Variants in EXPH5 observed in about 807,000 individuals in gnomAD.
The protein encoded by EXPH5 is exophilin 5.
A neutral mutation model predicts 41.1 loss-of-function variants in EXPH5; 42 were observed. That is an observed-to-expected ratio of 1.02 (90% CI 0.80 to 1.32). The LOEUF (loss-of-function observed/expected upper bound fraction) is 1.32, where lower values mean the gene tolerates loss of function less well. Ranked by LOEUF, EXPH5 falls within the 40% of genes most tolerant of loss-of-function variation. The pLI, the probability that EXPH5 is intolerant of heterozygous loss-of-function variation, is 0.00. For missense variants in EXPH5, 2,298 were observed against 2,314.5 expected, an observed-to-expected ratio of 0.99 and a Z score of 0.15; for synonymous variants, 798 against 833.5, an observed-to-expected ratio of 0.96 and a Z score of 0.73.
At chr11:108,590,093 T>C (rs780298916) in intron 1 of EXPH5, among the ~76,000 whole-genome samples, 2 of 152,202 alleles carry the variant, frequency 1.3e-5, no homozygotes, top group African/African-American at 2.4e-5. Flanking sequence ...AATTGGACAA[T>C]TGGGTCAAGC....
chr11:108,513,374 G>T lies in EXPH5; in HGVS notation c.2133C>A (p.Asp711Glu), dbSNP rs2093697707. 7 of 1,614,086 alleles carry T rather than the reference G, an allele frequency of 4.3e-6. No individual in the cohort carries two copies. Among genetic ancestry groups the T allele is most frequent in the Non-Finnish European group, 5.9e-6 (7 of 1,180,008 alleles). Reference protein sequence around the residue: ...KDLNESISEEDKQLSKMDQTN... With the variant: ...KDLNESISEEEKQLSKMDQTN... The stretch of plus-strand genomic sequence containing the variant: ...TCTGGTCCATCTTGCTTAGCTGTTT[G>T]TCTTCTTCTGAAATAGATTCATTTA... Residue 711 changes from aspartate (D) to glutamate (E), a missense_variant, in exon 6 of 6, where the codon GAC (aspartate) becomes GAA (glutamate). Coordinates refer to ENST00000265843, the MANE Select transcript of EXPH5 (RefSeq NM_015065.3).
chr11:108,537,614 C>T (rs772525655), intron 3 of EXPH5, among the ~76,000 whole-genome samples: 1 of 152,094 alleles, frequency 6.6e-6, no homozygotes, highest in African/African-American at 2.4e-5. Flanking sequence ...GGTCTATAAC[C>T]GAAAAACATG....
chr11:108,556,424 A>G (rs527585516), intron 1 of EXPH5, among the ~76,000 whole-genome samples: 1 of 152,278 alleles, frequency 6.6e-6, no homozygotes, highest in East Asian at 1.9e-4. Context: ...GGAGAAGGTC[A>G]GTACCAGACA....
At chr11:108,547,496 T>C (rs1455169499) in intron 1 of EXPH5, among the ~76,000 whole-genome samples, 1 of 152,296 alleles carries the variant, frequency 6.6e-6, no homozygotes, top group African/African-American at 2.4e-5. Context: ...ATTACAGGCA[T>C]GAACCACGGA....
intron 3 of EXPH5, among the ~76,000 whole-genome samples, chr11:108,534,884 C>A (rs1167375432): frequency 3.3e-5 from 5 of 152,218 alleles, no homozygotes; most frequent in Non-Finnish European, 7.3e-5. Context: ...ATGCAGGTGG[C>A]ACATCCTAAA....
intron 1 of EXPH5, among the ~76,000 whole-genome samples, chr11:108,592,968 G>A (rs1374042678): frequency 6.6e-6 from 1 of 152,266 alleles, no homozygotes; most frequent in African/African-American, 2.4e-5. Context: ...TGCGTTAGGC[G>A]AGGGTGGAAG....
At chr11:108,547,124 C>T (rs1355065671) in intron 1 of EXPH5, among the ~76,000 whole-genome samples, 1 of 151,970 alleles carries the variant, frequency 6.6e-6, no homozygotes, top group Non-Finnish European at 1.5e-5. Flanking sequence ...TTTTACAGTG[C>T]CTCTGCCAGA....
At chr11:108,579,792 G>A (rs527279576) in intron 1 of EXPH5, among the ~76,000 whole-genome samples, 2 of 152,262 alleles carry the variant, frequency 1.3e-5, no homozygotes, top group Middle Eastern at 3.4e-3. Context: ...ACCCAGAAAT[G>A]AGCATTGGTG....
Position 108,512,936 on chromosome 11 carries a change from T to G in EXPH5, c.2571A>C (p.Gln857His). ...NHWSSALTDT[Q>H]NAQYSKCKLT... ...ACTTGCATTTTGAGTATTGTGCATT[T>G]TGAGTATCAGTCAGTGCAGAGCTCC... is the stretch of plus-strand genomic sequence containing the variant. Residue 857 changes from glutamine to histidine, a missense_variant, in exon 6 of 6, where the codon CAA becomes CAC. Coordinates refer to ENST00000265843, the MANE Select transcript of EXPH5 (RefSeq NM_015065.3). 1 of 1,613,254 alleles carries G rather than the reference T, an allele frequency of 6.2e-7. No individual in the cohort carries two copies. The highest frequency in any genetic ancestry group is 2.2e-5 in the East Asian group (1 of 44,874).
intron 1 of EXPH5, among the ~76,000 whole-genome samples, chr11:108,564,852 G>C (rs2094027838): frequency 6.9e-6 from 1 of 145,106 alleles, no homozygotes. Flanking sequence ...GTATTTCTTT[G>C]ATTACTAGAG....
At chr11:108,521,478 A>G (rs929666625) in intron 4 of EXPH5, among the ~76,000 whole-genome samples, 22 of 152,214 alleles carry the variant, frequency 1.4e-4, no homozygotes, top group Non-Finnish European at 2.8e-4. Context: ...GAGTGCTCCC[A>G]TGATAACTTA....
chr11:108,582,423 G>A (rs2094101128), intron 1 of EXPH5, among the ~76,000 whole-genome samples: 1 of 151,358 alleles, frequency 6.6e-6, no homozygotes, highest in Non-Finnish European at 1.5e-5. Context: ...CTGAGATCAC[G>A]CCACTGCACT....
intron 1 of EXPH5, among the ~76,000 whole-genome samples, chr11:108,574,780 G>T (rs1008093006): frequency 6.6e-6 from 1 of 152,164 alleles, no homozygotes; most frequent in Non-Finnish European, 1.5e-5. Context: ...CTGCTCGAAG[G>T]CATCACAGAA....
At chr11:108,571,293 G>T (rs1416074138) in intron 1 of EXPH5, among the ~76,000 whole-genome samples, 1 of 152,198 alleles carries the variant, frequency 6.6e-6, no homozygotes, top group African/African-American at 2.4e-5. Flanking sequence ...CTACTGTGGA[G>T]CCAGTGCTAT....
chr11:108,568,300 C>T (rs951686000), intron 1 of EXPH5, among the ~76,000 whole-genome samples: 12 of 152,190 alleles, frequency 7.9e-5, no homozygotes, highest in African/African-American at 2.9e-4. Flanking sequence ...ACGCGGGTTC[C>T]TCTGGCTCGC....
chr11:108,533,069 T>A (rs2093853973), intron 3 of EXPH5, among the ~76,000 whole-genome samples: 1 of 152,240 alleles, frequency 6.6e-6, no homozygotes, highest in Non-Finnish European at 1.5e-5. Flanking sequence ...TTCTTACCTG[T>A]ACGACTTCTG....
In EXPH5 at chr11:108,513,221, G is replaced by A. The variant is rs1313487869; in HGVS notation, c.2286C>T (p.Thr762=). 5 of 1,613,688 alleles carry A rather than the reference G, an allele frequency of 3.1e-6. No homozygotes were observed. Among genetic ancestry groups the A allele is most frequent in the Non-Finnish European group, 4.2e-6 (5 of 1,179,916 alleles). ...KSNGFGFNAS[T]IISSKKSPRV... Reference sequence around the variant, plus strand: ...TGGGTGACTTTTTTGAACTTATTATGGTAGATGCATTAAAACCAAACCCGT... The same window carrying A: ...TGGGTGACTTTTTTGAACTTATTATAGTAGATGCATTAAAACCAAACCCGT... The change falls in exon 6 of 6, where the codon ACC becomes ACT. Residue 762 remains threonine (T), a synonymous_variant. Coordinates refer to ENST00000265843, the MANE Select transcript of EXPH5 (RefSeq NM_015065.3).
intron 1 of EXPH5, among the ~76,000 whole-genome samples, chr11:108,577,347 T>C (rs892941495): frequency 2.7e-4 from 41 of 152,350 alleles, no homozygotes; most frequent in Non-Finnish European, 4.7e-4. Flanking sequence ...TGTACTAATT[T>C]ACATTCTCAT....
At position 108,519,865 on chromosome 11, in the gene EXPH5, C is replaced by T. The variant is rs187434187; in HGVS notation, c.493-1492G>A. Among the ~76,000 whole-genome samples the T allele has an allele frequency of 9.4e-4, 138 of 146,224 alleles. 1 individual carries two copies. The East Asian group carries it at 0.019, about 20-fold the overall frequency. On this transcript the variant is annotated intron_variant, in intron 4 of 5. Coordinates refer to ENST00000265843, the MANE Select transcript of EXPH5 (RefSeq NM_015065.3). ...CCTGGGAGGGCTGAGGCAGGAGAATCGCTTGAACCCGGGAGGCGGAGGTTG... is the reference window on the plus strand; with the variant it reads ...CCTGGGAGGGCTGAGGCAGGAGAATTGCTTGAACCCGGGAGGCGGAGGTTG...
Sources: gnomAD v4.1 joint callset for allele counts (sites outside exome capture counted in the v4.1 genomes callset) on GRCh38, gnomAD v4.1.1 for gene constraint, MANE v1.5 for transcripts, NCBI Gene and HGNC (gene_info 2026-07-23, HGNC 2026-07-21) for gene names.